NTM: variants seen among roughly 807,000 people sequenced by gnomAD.
The protein encoded by NTM is neurotrimin.
In NTM, 13 loss-of-function variants were observed where a neutral mutation model predicts 42.1. The observed-to-expected ratio is 0.31, with a 90% CI of 0.20 to 0.49. The LOEUF (loss-of-function observed/expected upper bound fraction) is 0.49, where lower values mean the gene tolerates loss of function less well. Among genes scored for constraint, NTM ranks in the 20% least tolerant of loss-of-function variants. The probability of loss-of-function intolerance (pLI) is 0.99; values close to 1 mark genes in which losing one functional copy is unlikely to be tolerated. For synonymous variants in NTM, 187 were observed against 179.2 expected, an observed-to-expected ratio of 1.04 and a Z score of -0.35; for missense variants, 373 against 452.8, an observed-to-expected ratio of 0.82 and a Z score of 1.60.
intron 1 of NTM, among the ~76,000 whole-genome samples, chr11:131,854,824 G>A (rs1241277661): frequency 6.6e-6 from 1 of 152,200 alleles, no homozygotes; most frequent in Non-Finnish European, 1.5e-5. Flanking sequence ...CATAAACTGG[G>A]TGCTGCAGGT....
chr11:131,427,584 G>A (rs1040225572), intron 1 of NTM, among the ~76,000 whole-genome samples: 4 of 152,156 alleles, frequency 2.6e-5, no homozygotes, highest in African/African-American at 4.8e-5. Flanking sequence ...CTCCCTTAAT[G>A]CCTCCTGTCC....
intron 1 of NTM, among the ~76,000 whole-genome samples, chr11:131,723,827 C>T (rs1417993877): frequency 2.0e-5 from 3 of 151,192 alleles, no homozygotes; most frequent in Non-Finnish European, 2.9e-5. Flanking sequence ...TGTGTGTGTG[C>T]ATGTGTGTGT....
In NTM at chr11:132,335,074, C is replaced by A; in HGVS notation, c.996C>A (p.Asn332Lys). ...CAGGCGCCGTCAGCGAGGTGAGCAA[C>A]GGCACGTCGAGGAGGGCAGGCTGCG... Reference protein sequence around the residue: ...KGPGAVSEVSNGTSRRAGCVW... With the variant: ...KGPGAVSEVSKGTSRRAGCVW... The change falls in exon 9 of 9, where the codon AAC becomes AAA. Residue 332 changes from asparagine (N) to lysine (K), a missense_variant. By Grantham distance (94) the Asn-to-Lys change is moderately conservative. This residue lies in a region of NTM where 312 missense variants were observed against 353.5 expected (regional missense o/e 0.88). Transcript: ENST00000683400. 6.2e-7 allele frequency: 1 copy of A among 1,612,526 alleles called. No individual in the cohort carries two copies. Among genetic ancestry groups the A allele is most frequent in the Non-Finnish European group, 8.5e-7 (1 of 1,179,964 alleles).
chr11:131,733,473 T>A (rs959701823), intron 1 of NTM, among the ~76,000 whole-genome samples: 47 of 134,148 alleles, frequency 3.5e-4, no homozygotes, highest in African/African-American at 1.3e-3. Context: ...TTTCCTTCCT[T>A]CCTTCCTTCC....
chr11:131,534,449 C>T (rs926927803), intron 1 of NTM: 8 of 152,260 alleles, frequency 5.3e-5, no homozygotes, highest in Non-Finnish European at 1.2e-4. Flanking sequence ...TGAAGCATCC[C>T]TGAATCTTGG....
chr11:131,959,101 G>C (rs2061856468), intron 2 of NTM, among the ~76,000 whole-genome samples: 1 of 152,166 alleles, frequency 6.6e-6, no homozygotes, highest in Admixed American at 6.5e-5. Flanking sequence ...TCTCAAGAGG[G>C]TGATGTGTAT....
chr11:131,778,274 C>T (rs960948240), intron 1 of NTM, among the ~76,000 whole-genome samples: 5 of 152,204 alleles, frequency 3.3e-5, no homozygotes, highest in African/African-American at 1.2e-4. Flanking sequence ...GCTAGTGCCA[C>T]AGGCTTCCAC....
At chr11:131,809,111 T>A (rs1262507488) in intron 1 of NTM, among the ~76,000 whole-genome samples, 1 of 152,236 alleles carries the variant, frequency 6.6e-6, no homozygotes, top group African/African-American at 2.4e-5. Context: ...ATCTACAAGA[T>A]GTGTGCAGAG....
At chr11:131,696,940 A>C (rs1288138373) in intron 1 of NTM, among the ~76,000 whole-genome samples, 2 of 152,220 alleles carry the variant, frequency 1.3e-5, no homozygotes, top group Non-Finnish European at 2.9e-5. Context: ...ATAAATCTTA[A>C]GGAATGTCAC....
At chr11:131,644,244 A>T (rs2065492515) in intron 1 of NTM, among the ~76,000 whole-genome samples, 1 of 152,122 alleles carries the variant, frequency 6.6e-6, no homozygotes, top group Non-Finnish European at 1.5e-5. Context: ...GCTCAGAGGG[A>T]CCCATTAGAC....
intron 1 of NTM, among the ~76,000 whole-genome samples, chr11:131,418,376 C>A (rs1359391306): frequency 6.6e-6 from 1 of 152,210 alleles, no homozygotes; most frequent in African/African-American, 2.4e-5. Flanking sequence ...GTGATGCATG[C>A]TAGAAGCTAT....
chr11:131,904,827 A>G (rs2053633768), intron 1 of NTM, among the ~76,000 whole-genome samples: 2 of 152,320 alleles, frequency 1.3e-5, no homozygotes, highest in South Asian at 4.1e-4. Context: ...CCTAGAGAAC[A>G]GAGGCCTGAC....
chr11:131,422,930 G>A (rs1433916454), intron 1 of NTM, among the ~76,000 whole-genome samples: 1 of 152,204 alleles, frequency 6.6e-6, no homozygotes, highest in African/African-American at 2.4e-5. Flanking sequence ...CATGAATGAA[G>A]TAGTCTGCAA....
intron 2 of NTM, among the ~76,000 whole-genome samples, chr11:131,976,135 CCTTCCTTCCTTCCTTCCTTCCTTT>C (rs1169768913): frequency 1.4e-5 from 2 of 140,276 alleles, no homozygotes; most frequent in African/African-American, 5.2e-5. Flanking sequence ...TTCCTTCCTT[CCTTCCTTCCTTCCTTCCTTCCTTT>C]CTTCCTTCCT....
chr11:131,853,661 G>GT (rs2045815182), intron 1 of NTM, among the ~76,000 whole-genome samples: 2 of 152,142 alleles, frequency 1.3e-5, no homozygotes, highest in Non-Finnish European at 2.9e-5. Flanking sequence ...TATTAGGTTG[G>GT]TTCCATGTCT....
intron 2 of NTM, among the ~76,000 whole-genome samples, chr11:132,114,246 G>C (rs1292906541): frequency 6.6e-6 from 1 of 152,242 alleles, no homozygotes; most frequent in Non-Finnish European, 1.5e-5. Flanking sequence ...TTCAAGGCAT[G>C]TATCAAGGCA....
chr11:132,055,959 T>G (rs1594178055), intron 2 of NTM, among the ~76,000 whole-genome samples: 1 of 152,234 alleles, frequency 6.6e-6, no homozygotes, highest in African/African-American at 2.4e-5. Context: ...CACTCCTCAC[T>G]GTAGTTCTAC....
intron 4 of NTM, among the ~76,000 whole-genome samples, chr11:132,281,922 T>G (rs2093984873): frequency 6.6e-6 from 1 of 152,226 alleles, no homozygotes; most frequent in Non-Finnish European, 1.5e-5. Flanking sequence ...AATTTATTTT[T>G]ATTAATTTCT....
chr11:131,687,833 T>C (rs553461999), intron 1 of NTM, among the ~76,000 whole-genome samples: 1 of 152,060 alleles, frequency 6.6e-6, no homozygotes, highest in Non-Finnish European at 1.5e-5. Flanking sequence ...CTGTAGATCT[T>C]TGGATGGTTT....
Sources: allele counts gnomAD v4.1 joint callset (sites outside exome capture counted in the v4.1 genomes callset), GRCh38; gene constraint gnomAD v4.1.1; regional missense constraint gnomAD v4.1.1; transcripts MANE v1.5; gene names NCBI Gene and HGNC (gene_info 2026-07-23, HGNC 2026-07-21).